PIP5K1C: variants seen among roughly 807,000 people sequenced by gnomAD.
PIP5K1C encodes phosphatidylinositol 4-phosphate 5-kinase type-1 gamma.
In PIP5K1C, 45 loss-of-function variants were observed where a neutral mutation model predicts 80.1. The observed-to-expected ratio is 0.56, with a 90% CI of 0.44 to 0.72. PIP5K1C has a LOEUF of 0.72. Among genes scored for constraint, PIP5K1C ranks in the 30% least tolerant of loss-of-function variants. The pLI is 0.00. For missense variants in PIP5K1C, 753 were observed against 954.6 expected (o/e 0.79, Z 2.78); for synonymous variants, 498 against 420.1 (o/e 1.19, Z -2.27).
At chr19:3,676,449 G>C (rs955299478) in intron 1 of PIP5K1C, among the ~76,000 whole-genome samples, 1 of 152,218 alleles carries the variant, frequency 6.6e-6, no homozygotes, top group East Asian at 1.9e-4. Context: ...ATGTTTTGGA[G>C]AAAAACCTGG....
At position 3,696,949 on chromosome 19, in the gene PIP5K1C, G is replaced by A. The variant is rs934211325; in HGVS notation, c.94+3348C>T. ...GAGCAGGGGCGCCAGGCCTGGCTCA[G>A]GGGGCAAAGGAGGACTGAGCTGGAC... On this transcript the variant is annotated intron_variant, in intron 1 of 17. Coordinates refer to ENST00000335312, the MANE Select transcript of PIP5K1C (RefSeq NM_012398.3). The surrounding 1 kb of genome is among the most constrained non-coding windows in gnomAD (Gnocchi z 4.1). Among the ~76,000 whole-genome samples the A allele has an allele frequency of 2.0e-5, 3 of 152,202 alleles. No homozygotes were observed. The highest frequency in any genetic ancestry group is 4.4e-5 in the Non-Finnish European group (3 of 68,024).
chr19:3,637,657 G>A lies in PIP5K1C; in HGVS notation c.1920+1227C>T, dbSNP rs1326255880. On this transcript the variant is annotated intron_variant, in intron 16 of 17. Coordinates refer to ENST00000335312, the MANE Select transcript of PIP5K1C (RefSeq NM_012398.3). This position sits in a 1 kb window ranked among gnomAD's most constrained non-coding sequence, Gnocchi z 7.0. ...GTGGGCCGGAGGAGGAAGGAAAACA[G>A]AGGACAGCGGATGAGGCGGCCACCC... 6.6e-7 allele frequency: 1 copy of A among 1,512,308 alleles called. No individual in the cohort carries two copies. The highest frequency in any genetic ancestry group is 2.5e-5 in the East Asian group (1 of 40,638). The allele number at this position is 1,512,308 out of a possible 1,614,324, so 93.7% of individuals were successfully genotyped here. A position where few individuals can be genotyped will look rare whatever the true frequency, so the allele number is the denominator to read the frequency against.
At chr19:3,681,964 C>T (rs1255279595) in intron 1 of PIP5K1C, among the ~76,000 whole-genome samples, 1 of 152,160 alleles carries the variant, frequency 6.6e-6, no homozygotes, top group Non-Finnish European at 1.5e-5. Context: ...TAGGAATATG[C>T]TTCCACGAGC....
chr19:3,644,815 T>G (rs1371995665), intron 11 of PIP5K1C, among the ~76,000 whole-genome samples: 1 of 152,204 alleles, frequency 6.6e-6, no homozygotes, highest in Non-Finnish European at 1.5e-5. Flanking sequence ...CTGTCCTCAG[T>G]GCTGTGTGAG....
In PIP5K1C at chr19:3,656,395, G is replaced by T; in HGVS notation, c.621+10C>A. 1 of 1,613,120 alleles carries T rather than the reference G, an allele frequency of 6.2e-7. No individual in the cohort carries two copies. Among genetic ancestry groups the T allele is most frequent in the Non-Finnish European group, 8.5e-7 (1 of 1,179,992 alleles). ...GAGGAGCCATCTGCCCCGCAGGGCG[G>T]GCCACGCACCATGTAGTAGCCAGGG... On this transcript the variant is annotated intron_variant, in intron 6 of 17. Transcript: ENST00000335312.
At chr19:3,643,211 C>T (rs538100028) in intron 13 of PIP5K1C, 32 bp downstream of exon 13, 33 of 1,610,454 alleles carry the variant, frequency 2.0e-5, no homozygotes, top group Non-Finnish European at 2.6e-5. Context: ...AGCGGATGCC[C>T]CGCCCACATG....
chr19:3,656,325 C>A (rs1599983644), intron 6 of PIP5K1C, 80 bp downstream of exon 6: 1 of 1,533,986 alleles, frequency 6.5e-7, no homozygotes, highest in East Asian at 2.3e-5. Flanking sequence ...CTTGCCCAAG[C>A]CTTGCAGACA....
intron 4 of PIP5K1C, 34 bp from the exon 5 acceptor site, chr19:3,661,117 G>A: frequency 6.8e-7 from 1 of 1,462,610 alleles, no homozygotes. Context: ...ACCTGTGAGG[G>A]GTGGTGGGCA....
chr19:3,664,003 A>G (rs1365822929), intron 3 of PIP5K1C, among the ~76,000 whole-genome samples: 1 of 152,226 alleles, frequency 6.6e-6, no homozygotes, highest in Non-Finnish European at 1.5e-5. Flanking sequence ...CAAGTGCAGC[A>G]CGGGCGCCCC....
rs2033718810 is a variant in PIP5K1C, at chr19:3,637,097, C to T, written c.1920+1787G>A. The T allele has an allele frequency of 7.7e-7, 1 of 1,298,488 alleles. No homozygotes were observed. The highest frequency in any genetic ancestry group is 3.7e-5 in the East Asian group (1 of 27,014). The allele number at this position is 1,298,488 out of a possible 1,614,324, so 80.4% of individuals were successfully genotyped here. A position where few individuals can be genotyped will look rare whatever the true frequency, so the allele number is the denominator to read the frequency against. On this transcript the variant is annotated intron_variant, in intron 16 of 17. Coordinates refer to ENST00000335312, the MANE Select transcript of PIP5K1C (RefSeq NM_012398.3). The surrounding 1 kb of genome is among the most constrained non-coding windows in gnomAD (Gnocchi z 7.0). ...TGGCCCTGCGGTTCAGAGCCCGGCC[C>T]TGCAGCCACTCTGCTGACCTGTGCA...
At chr19:3,635,883 G>A (rs1189325258) in intron 16 of PIP5K1C, among the ~76,000 whole-genome samples, 1 of 152,220 alleles carries the variant, frequency 6.6e-6, no homozygotes, top group Non-Finnish European at 1.5e-5. Flanking sequence ...GGGAGGCTGA[G>A]GCAGGAGAAT....
intron 1 of PIP5K1C, among the ~76,000 whole-genome samples, chr19:3,682,944 C>G (rs565666431): frequency 1.4e-5 from 2 of 147,174 alleles, no homozygotes; most frequent in African/African-American, 5.1e-5. Flanking sequence ...CCTCCTCCCC[C>G]TCCCCTCCCC....
chr19:3,681,927 G>C (rs779281055), intron 1 of PIP5K1C, among the ~76,000 whole-genome samples: 13 of 152,200 alleles, frequency 8.5e-5, no homozygotes, highest in South Asian at 6.2e-4. Context: ...GATCCAAAGC[G>C]AACTCCTTCC....
Position 3,686,719 on chromosome 19 carries a change from A to AAAAT in PIP5K1C, c.94+13574_94+13577dup, listed in dbSNP as rs1429530985. On this transcript the variant is annotated intron_variant, in intron 1 of 17. Transcript: ENST00000335312. ...GGCAACAGGAGCGAAACTCCGTCTC[A>AAAAT]AAATAAATAAATAAATAAAATAAAA... Among the ~76,000 whole-genome samples, 7 of 151,148 alleles carry AAAAT rather than the reference A, an allele frequency of 4.6e-5. No homozygotes were observed. The East Asian group carries it at 7.7e-4, about 17-fold the overall frequency.
chr19:3,652,651 G>A (rs1193689765), intron 7 of PIP5K1C, among the ~76,000 whole-genome samples: 4 of 152,222 alleles, frequency 2.6e-5, no homozygotes, highest in South Asian at 2.1e-4. Context: ...AGGAAGAGCC[G>A]TGCATATCAT....
Position 3,656,411 on chromosome 19 carries a change from G to A in PIP5K1C, c.615C>T (p.Tyr205=), listed in dbSNP as rs775651074. ...CGCAGGGCGGGCCACGCACCATGTAGTAGCCAGGGAGCAGCTTCTGCAGGA... is the reference window on the plus strand; with the variant it reads ...CGCAGGGCGGGCCACGCACCATGTAATAGCCAGGGAGCAGCTTCTGCAGGA... The part of the protein sequence containing the change: ...AEFLQKLLPG[Y]YMNLNQNPRT... Residue 205 remains tyrosine (Y), a synonymous_variant, in exon 6 of 18, where the codon TAC becomes TAT. Transcript: ENST00000335312. The A allele has an allele frequency of 6.2e-7, 1 of 1,613,400 alleles. No individual in the cohort carries two copies. The highest frequency in any genetic ancestry group is 8.5e-7 in the Non-Finnish European group (1 of 1,180,024).
intron 1 of PIP5K1C, among the ~76,000 whole-genome samples, chr19:3,668,108 A>G (rs1036830441): frequency 4.0e-5 from 6 of 151,874 alleles, no homozygotes; most frequent in African/African-American, 1.5e-4. Flanking sequence ...GCAGCTCCAG[A>G]GAGGACAACA....
chr19:3,660,053 G>A (rs573345301), intron 5 of PIP5K1C, among the ~76,000 whole-genome samples: 20 of 152,280 alleles, frequency 1.3e-4, no homozygotes, highest in African/African-American at 3.1e-4. Context: ...TGGTGATGGC[G>A]CAGGTTGGAT....
chr19:3,689,510 G>A (rs1434199933), intron 1 of PIP5K1C, among the ~76,000 whole-genome samples: 4 of 152,076 alleles, frequency 2.6e-5, no homozygotes, highest in Non-Finnish European at 4.4e-5. Flanking sequence ...TTAGCCGGGT[G>A]TGGTGGCGGG....
Sources: gnomAD v4.1 joint callset for allele counts (sites outside exome capture counted in the v4.1 genomes callset) on GRCh38, gnomAD v4.1.1 for gene constraint, Gnocchi (gnomAD v3.1) non-coding constraint, MANE v1.5 for transcripts, NCBI Gene and HGNC (gene_info 2026-07-23, HGNC 2026-07-21) for gene names.